The following IKZF5 variants were observed in gnomAD, a reference collection of about 807,000 sequenced individuals.
IKZF5 encodes zinc finger protein Pegasus.
In IKZF5, 4 loss-of-function variants were observed where a neutral mutation model predicts 30.7. That is an observed-to-expected ratio of 0.13 (90% CI 0.06 to 0.30). IKZF5 has a LOEUF of 0.30. IKZF5 is among the 10% of genes least tolerant of loss of function. The pLI is 1.00. For missense variants in IKZF5, 348 were observed against 525.5 expected, an observed-to-expected ratio of 0.66 and a Z score of 3.30; for synonymous variants, 148 against 179.6, an observed-to-expected ratio of 0.82 and a Z score of 1.41.
chr10:122,991,129 T>C lies in IKZF5; in HGVS notation c.*2651A>G, dbSNP rs559856032. The C allele has an allele frequency of 6.6e-6, 1 of 152,122 alleles. No homozygotes were observed. 9.4% of individuals were successfully genotyped at this position (152,122 alleles called of 1,614,324 possible). ...GAAATGAGGATTTTATCTCTGAGTA[T>C]TTTTTGTAGTATTCCCCTTGTCCAG... is the stretch of plus-strand genomic sequence containing the variant. On this transcript the variant is annotated 3_prime_UTR_variant, in exon 5 of 5. Coordinates refer to ENST00000368886, the MANE Select transcript of IKZF5 (RefSeq NM_001372123.1).
At chr10:123,006,915 G>A (rs1589725359) in intron 2 of IKZF5, 111 bp downstream of exon 2, 1 of 151,788 alleles carries the variant, frequency 6.6e-6, no homozygotes. Flanking sequence ...AACTCTTGAA[G>A]GCAAAAAAAG....
intron 1 of IKZF5, 35 bp downstream of exon 1, chr10:123,008,659 G>A: frequency 2.6e-6 from 1 of 385,186 alleles, no homozygotes; most frequent in Admixed American, 3.7e-5. Context: ...GTCCTGCCGC[G>A]TCGCCGCCGT....
rs1247089682 is a variant in IKZF5, at chr10:122,994,905, T to A, written c.317-182A>T. On this transcript the variant is annotated intron_variant, in intron 4 of 4. Transcript: ENST00000368886. This position sits in a 1 kb window ranked among gnomAD's most constrained non-coding sequence, Gnocchi z 5.6. Reference sequence around the variant, plus strand: ...TAAACCCACAAATTGAAATAAAGCTTAAGAACTCATCAGCAACAACCTGAA... The same window carrying A: ...TAAACCCACAAATTGAAATAAAGCTAAAGAACTCATCAGCAACAACCTGAA... 3 of 588,920 alleles carry A rather than the reference T, an allele frequency of 5.1e-6. No homozygotes were observed. In the East Asian group the frequency reaches 8.5e-5, roughly 17 times the overall value. 36.5% of individuals were successfully genotyped at this position (588,920 alleles called of 1,614,324 possible). A position where few individuals can be genotyped will look rare whatever the true frequency, so the allele number is the denominator to read the frequency against.
chr10:122,995,916 C>T, intron 4 of IKZF5, 78 bp downstream of exon 4: 1 of 1,365,258 alleles, frequency 7.3e-7, no homozygotes, highest in Admixed American at 2.0e-5. Context: ...AAAACTATTT[C>T]TATGACAAAC....
chr10:123,003,122 C>T (rs2133415504), intron 2 of IKZF5, among the ~76,000 whole-genome samples: 1 of 151,116 alleles, frequency 6.6e-6, no homozygotes, highest in Non-Finnish European at 1.5e-5. Context: ...CCTCTGCCTC[C>T]CAGGTTCAAG....
intron 1 of IKZF5, chr10:123,008,473 G>A (rs1053626667): frequency 1.2e-5 from 2 of 161,048 alleles, no homozygotes; most frequent in Admixed American, 6.0e-5. Context: ...GCTCCCTCGG[G>A]GTTCTCGCGG....
In IKZF5 at chr10:122,994,822, G is replaced by T; in HGVS notation, c.317-99C>A. 4.2e-6 allele frequency: 4 copies of T among 960,846 alleles called. No individual in the cohort carries two copies. The highest frequency in any genetic ancestry group is 6.2e-6 in the Non-Finnish European group (4 of 644,072). The allele number at this position is 960,846 out of a possible 1,614,324, so 59.5% of individuals were successfully genotyped here. On this transcript the variant is annotated intron_variant, in intron 4 of 4. Transcript: ENST00000368886. This position sits in a 1 kb window ranked among gnomAD's most constrained non-coding sequence, Gnocchi z 5.6. Reference sequence around the variant, plus strand: ...TGGACAACTGGAAATTGATCAAAAAGAAAATGCTTTCAGAAAGTCATATTT... The same window carrying T: ...TGGACAACTGGAAATTGATCAAAAATAAAATGCTTTCAGAAAGTCATATTT...
At position 122,994,891 on chromosome 10, in the gene IKZF5, A is replaced by C; in HGVS notation, c.317-168T>G. On this transcript the variant is annotated intron_variant, in intron 4 of 4. Coordinates refer to ENST00000368886, the MANE Select transcript of IKZF5 (RefSeq NM_001372123.1). The surrounding 1 kb of genome is among the most constrained non-coding windows in gnomAD (Gnocchi z 5.6). The stretch of plus-strand genomic sequence containing the variant: ...TTAAAATTTGTAAATAAACCCACAA[A>C]TTGAAATAAAGCTTAAGAACTCATC... The C allele has an allele frequency of 1.7e-6, 1 of 605,620 alleles. No homozygotes were observed. The highest frequency in any genetic ancestry group is 2.2e-5 in the South Asian group (1 of 46,444). The allele number at this position is 605,620 out of a possible 1,614,324, so 37.5% of individuals were successfully genotyped here.
intron 1 of IKZF5, among the ~76,000 whole-genome samples, chr10:123,008,201 C>T (rs1288080132): frequency 6.6e-6 from 1 of 152,196 alleles, no homozygotes; most frequent in Non-Finnish European, 1.5e-5. Flanking sequence ...AGATAAAATA[C>T]GAAGGCTTTA....
chr10:123,001,597 T>A (rs972767026), intron 2 of IKZF5, among the ~76,000 whole-genome samples: 4 of 152,212 alleles, frequency 2.6e-5, no homozygotes, highest in African/African-American at 9.7e-5. Flanking sequence ...TCGGCCTTTC[T>A]CTACTAAGCT....
chr10:123,003,560 T>C (rs1374361409), intron 2 of IKZF5, among the ~76,000 whole-genome samples: 2 of 152,216 alleles, frequency 1.3e-5, no homozygotes, highest in Non-Finnish European at 2.9e-5. Context: ...TCTTAAGTTT[T>C]ATAGGTAAGT....
At chr10:123,006,695 T>C (rs1849800662) in intron 2 of IKZF5, among the ~76,000 whole-genome samples, 1 of 152,246 alleles carries the variant, frequency 6.6e-6, no homozygotes, top group African/African-American at 2.4e-5. Context: ...CATAATAATT[T>C]ATGGGTAAGG....
intron 2 of IKZF5, among the ~76,000 whole-genome samples, chr10:123,003,092 G>A (rs1351886270): frequency 1.3e-5 from 2 of 150,756 alleles, no homozygotes; most frequent in African/African-American, 2.4e-5. Context: ...GTGCAATGGC[G>A]TGATCTCGGC....
At chr10:123,000,665 A>C (rs1849549326) in intron 2 of IKZF5, among the ~76,000 whole-genome samples, 1 of 152,178 alleles carries the variant, frequency 6.6e-6, no homozygotes, top group Non-Finnish European at 1.5e-5. Context: ...AGCAATTTAC[A>C]CTCCCACTAG....
At chr10:123,007,566 T>G (rs1213466494) in intron 1 of IKZF5, among the ~76,000 whole-genome samples, 3 of 152,198 alleles carry the variant, frequency 2.0e-5, no homozygotes, top group Middle Eastern at 3.4e-3. Context: ...TAGTCCTAAG[T>G]AGGGAAATGG....
Position 122,996,127 on chromosome 10 carries a change from A to G in IKZF5, c.183T>C (p.Val61=), listed in dbSNP as rs772732569. The G allele has an allele frequency of 4.3e-6, 7 of 1,614,124 alleles. No individual in the cohort carries two copies. In the South Asian group the frequency reaches 6.6e-5, roughly 15 times the overall value. The change falls in exon 4 of 5, where the codon GTT becomes GTC. Residue 61 remains valine (V), a synonymous_variant. Transcript: ENST00000368886. The part of the protein sequence containing the change: ...QNGLDHPSVE[V]SLDENSGMLV... ...ACATTCCTGAGTTTTCATCCAAGGA[A>G]ACTTCAACAGATGGGTGATCAAGTC...
chr10:122,995,478 G>A (rs1031487329), intron 4 of IKZF5, among the ~76,000 whole-genome samples: 1 of 150,450 alleles, frequency 6.6e-6, no homozygotes, highest in Non-Finnish European at 1.5e-5. Flanking sequence ...CTACAATGAT[G>A]TGATGAATGA....
rs578107800 is a variant in IKZF5, at chr10:122,992,484, T to G, written c.*1296A>C. ...ATTTTATTGTTTGACCAAGCTCTCT[T>G]CAGAGTACGTGAGTTATTACACAAT... On this transcript the variant is annotated 3_prime_UTR_variant, in exon 5 of 5. Coordinates refer to ENST00000368886, the MANE Select transcript of IKZF5 (RefSeq NM_001372123.1). The G allele has an allele frequency of 7.2e-5, 11 of 152,318 alleles. No individual in the cohort carries two copies. The South Asian group carries it at 2.3e-3, about 32-fold the overall frequency. 9.4% of individuals were successfully genotyped at this position (152,318 alleles called of 1,614,324 possible).
At chr10:122,997,953 T>G (rs1226185936) in intron 3 of IKZF5, among the ~76,000 whole-genome samples, 2 of 152,212 alleles carry the variant, frequency 1.3e-5, no homozygotes, top group African/African-American at 2.4e-5. Context: ...GGCTATAGTT[T>G]GCTGACCTCC....
Sources: allele counts gnomAD v4.1 joint callset (sites outside exome capture counted in the v4.1 genomes callset), GRCh38; gene constraint gnomAD v4.1.1; non-coding constraint Gnocchi (gnomAD v3.1); transcripts MANE v1.5; gene names NCBI Gene and HGNC (gene_info 2026-07-23, HGNC 2026-07-21).